Variants in CUL3 observed in about 807,000 individuals in gnomAD.
CUL3 encodes cullin 3, also known as cullin-3.
In CUL3, 19 loss-of-function variants were observed where a neutral mutation model predicts 89.1. The ratio of observed to expected loss-of-function variants is 0.21; its 90% confidence interval spans 0.15 to 0.31. The LOEUF is 0.31. Ranked by LOEUF, CUL3 falls within the 10% of genes least tolerant of loss-of-function variation. CUL3 has a pLI of 1.00. For synonymous variants in CUL3, 351 were observed against 308.4 expected (o/e 1.14, Z -1.45); for missense variants, 469 against 942.3 (o/e 0.50, Z 6.58).
chr2:224,527,071 C>T (rs549164957), intron 3 of CUL3, among the ~76,000 whole-genome samples: 8 of 152,090 alleles, frequency 5.3e-5, no homozygotes, highest in Non-Finnish European at 8.8e-5. Flanking sequence ...ACTGGTCAGT[C>T]ATAGCTATAA....
chr2:224,528,528 G>A (rs62187014), intron 3 of CUL3, among the ~76,000 whole-genome samples: 28,058 of 151,988 alleles, frequency 0.18, 2,940 homozygotes, highest in South Asian at 0.27. Flanking sequence ...GACATATTTC[G>A]GGATTAGGGG....
At chr2:224,581,448 C>G (rs1033598653) in intron 1 of CUL3, among the ~76,000 whole-genome samples, 6 of 150,070 alleles carry the variant, frequency 4.0e-5, no homozygotes, top group African/African-American at 1.2e-4. Context: ...GTAATCATGT[C>G]AGAATGTATA....
In CUL3 at chr2:224,470,862, T is replaced by C. The variant is rs971000542; in HGVS notation, c.*3383A>G. The stretch of plus-strand genomic sequence containing the variant: ...TGAGGTACAAAATAAATGAAAATTT[T>C]TTAATATGGAAAATCATGTCAATTT... On this transcript the variant is annotated 3_prime_UTR_variant, in exon 16 of 16. Transcript: ENST00000264414. The C allele has an allele frequency of 6.1e-5, 14 of 229,982 alleles. No individual in the cohort carries two copies. Among genetic ancestry groups the C allele is most frequent in the Non-Finnish European group, 1.2e-4 (14 of 116,122 alleles). The allele number at this position is 229,982 out of a possible 1,614,324, so 14.2% of individuals were successfully genotyped here. A position where few individuals can be genotyped will look rare whatever the true frequency, so the allele number is the denominator to read the frequency against.
At chr2:224,521,002 T>C (rs1482022003) in intron 3 of CUL3, among the ~76,000 whole-genome samples, 2 of 152,206 alleles carry the variant, frequency 1.3e-5, no homozygotes, top group Non-Finnish European at 2.9e-5. Flanking sequence ...AATAGTTTCA[T>C]TACTCAGGGA....
chr2:224,493,932 C>G (rs906468134), intron 13 of CUL3, among the ~76,000 whole-genome samples: 1 of 152,022 alleles, frequency 6.6e-6, no homozygotes, highest in African/African-American at 2.4e-5. Flanking sequence ...AAATATAACT[C>G]ATGCTTGAAA....
rs1435018456 is a variant in CUL3, at chr2:224,473,320, GTA to G, written c.*923_*924del. 1 of 193,028 alleles carries G rather than the reference GTA, an allele frequency of 5.2e-6. No homozygotes were observed. The highest frequency in any genetic ancestry group is 2.3e-5 in the African/African-American group (1 of 43,076). The allele number at this position is 193,028 out of a possible 1,614,324, so 12.0% of individuals were successfully genotyped here. ...AGGACCTAGGGTATTTATAAACAAA[GTA>G]TAGACTGTATGTGCTTTTCAGAGGG... On this transcript the variant is annotated 3_prime_UTR_variant, in exon 16 of 16. Transcript: ENST00000264414.
intron 2 of CUL3, among the ~76,000 whole-genome samples, chr2:224,545,114 A>C (rs1694248354): frequency 6.6e-6 from 1 of 152,180 alleles, no homozygotes. Context: ...AGCAATCTTA[A>C]GATTTCTGTA....
chr2:224,546,576 AGAG>A (rs1352332332), intron 2 of CUL3, among the ~76,000 whole-genome samples: 1 of 152,100 alleles, frequency 6.6e-6, no homozygotes, highest in Non-Finnish European at 1.5e-5. Flanking sequence ...CCACATGCAA[AGAG>A]GAGACACAAA....
Position 224,474,138 on chromosome 2 carries a change from G to T in CUL3, c.*107C>A. The T allele has an allele frequency of 2.5e-6, 3 of 1,185,416 alleles. No individual in the cohort carries two copies. The highest frequency in any genetic ancestry group is 2.4e-6 in the Non-Finnish European group (2 of 847,750). 73.4% of individuals were successfully genotyped at this position (1,185,416 alleles called of 1,614,324 possible). On this transcript the variant is annotated 3_prime_UTR_variant, in exon 16 of 16. Transcript: ENST00000264414. ...ATCTCAATGGTCTAGAACATGTACT[G>T]TAATTTAATAGAAGAGATGGTCGTC... is the stretch of plus-strand genomic sequence containing the variant.
chr2:224,582,030 T>G (rs1695453309), intron 1 of CUL3, among the ~76,000 whole-genome samples: 2 of 152,120 alleles, frequency 1.3e-5, no homozygotes, highest in African/African-American at 4.8e-5. Flanking sequence ...AATGGCGCGA[T>G]CTCAGCTCAC....
intron 5 of CUL3, among the ~76,000 whole-genome samples, 154 bp from the exon 6 acceptor site, chr2:224,511,736 T>C (rs1336605649): frequency 1.3e-5 from 2 of 152,232 alleles, no homozygotes; most frequent in Non-Finnish European, 2.9e-5. Flanking sequence ...AAGACTGATA[T>C]AGTCTGAATT....
chr2:224,540,406 A>T (rs1041146989), intron 2 of CUL3, among the ~76,000 whole-genome samples: 20 of 150,296 alleles, frequency 1.3e-4, no homozygotes, highest in Admixed American at 3.3e-4. Flanking sequence ...TTTATATTTA[A>T]AAAAAAAAGG....
chr2:224,528,968 T>A (rs1334746862), intron 3 of CUL3, among the ~76,000 whole-genome samples: 1 of 152,166 alleles, frequency 6.6e-6, no homozygotes, highest in African/African-American at 2.4e-5. Context: ...TCCATAAAGT[T>A]TTGCACAGCA....
intron 1 of CUL3, among the ~76,000 whole-genome samples, chr2:224,567,888 T>C (rs951861463): frequency 1.3e-5 from 2 of 152,294 alleles, no homozygotes; most frequent in African/African-American, 4.8e-5. Context: ...TATGGTAGCA[T>C]AGTAGGCACA....
chr2:224,472,622 T>C lies in CUL3; in HGVS notation c.*1623A>G, dbSNP rs1284191216. 5.3e-6 allele frequency: 1 copy of C among 189,520 alleles called. No individual in the cohort carries two copies. Among genetic ancestry groups the C allele is most frequent in the African/African-American group, 2.3e-5 (1 of 42,878 alleles). 11.7% of individuals were successfully genotyped at this position (189,520 alleles called of 1,614,324 possible). ...TCATTGGCATCTTAATTGCATCATG[T>C]AGAAGTGGAAAATGTAGAGATAAAG... On this transcript the variant is annotated 3_prime_UTR_variant, in exon 16 of 16. Coordinates refer to ENST00000264414, the MANE Select transcript of CUL3 (RefSeq NM_003590.5).
At chr2:224,554,900 T>C (rs191091999) in intron 2 of CUL3, among the ~76,000 whole-genome samples, 62 of 152,340 alleles carry the variant, frequency 4.1e-4, no homozygotes, top group Non-Finnish European at 2.5e-4. Flanking sequence ...ACTTGTCCTT[T>C]TGATGCCAAA....
At chr2:224,506,483 A>G (rs1482702465) in intron 7 of CUL3, among the ~76,000 whole-genome samples, 1 of 152,234 alleles carries the variant, frequency 6.6e-6, no homozygotes, top group Non-Finnish European at 1.5e-5. Context: ...AACATGGCAC[A>G]TAATTTATTC....
At chr2:224,546,667 T>TG (rs75170617) in intron 2 of CUL3, among the ~76,000 whole-genome samples, 44,171 of 149,974 alleles carry the variant, frequency 0.29, 6,575 homozygotes, top group Middle Eastern at 0.41. Context: ...AGAAATAGGA[T>TG]GGGGGGGGGT....
chr2:224,546,746 T>A (rs1694318886), intron 2 of CUL3, among the ~76,000 whole-genome samples: 1 of 152,132 alleles, frequency 6.6e-6, no homozygotes, highest in Non-Finnish European at 1.5e-5. Context: ...TGGGCAAACT[T>A]GTTAAAACAA....
Sources: allele counts gnomAD v4.1 joint callset (sites outside exome capture counted in the v4.1 genomes callset), GRCh38; gene constraint gnomAD v4.1.1; transcripts MANE v1.5; gene names NCBI Gene and HGNC (gene_info 2026-07-23, HGNC 2026-07-21).